Variants in RPF2 observed in about 807,000 individuals in gnomAD.
RPF2 encodes ribosome production factor 2 homolog.
In RPF2, 21 loss-of-function variants were observed where a neutral mutation model predicts 38.9. That is an observed-to-expected ratio of 0.54 (90% CI 0.38 to 0.78). The LOEUF is 0.78. Ranked by LOEUF, RPF2 falls within the 30% of genes least tolerant of loss-of-function variation. The probability of loss-of-function intolerance (pLI) is 0.00; values close to 1 mark genes in which losing one functional copy is unlikely to be tolerated. For missense variants in RPF2, 314 were observed against 358.1 expected (o/e 0.88, Z 0.99); for synonymous variants, 121 against 126.2 (o/e 0.96, Z 0.28).
intron 8 of RPF2, among the ~76,000 whole-genome samples, chr6:111,020,776 C>T (rs764962301): frequency 4.0e-5 from 6 of 151,856 alleles, no homozygotes; most frequent in Non-Finnish European, 5.9e-5. Context: ...CAGGAGAACC[C>T]GGGAGGCAGA....
intron 7 of RPF2, among the ~76,000 whole-genome samples, chr6:111,008,869 C>T (rs1368525600): frequency 1.4e-5 from 2 of 147,874 alleles, no homozygotes; most frequent in South Asian, 2.1e-4. Flanking sequence ...GTTTCTTTTC[C>T]GGGAAGCCCT....
At chr6:111,002,923 C>T (rs1490373890) in intron 6 of RPF2, among the ~76,000 whole-genome samples, 4 of 151,954 alleles carry the variant, frequency 2.6e-5, no homozygotes, top group East Asian at 2.0e-4. Flanking sequence ...CGCCCACACT[C>T]GGCTAATTTT....
rs142204695 is a variant in RPF2 at position 111,001,667 on chromosome 6, T to C, written c.393+1880T>C. Among the ~76,000 whole-genome samples, 4 of 152,262 alleles carry C rather than the reference T, an allele frequency of 2.6e-5. No individual in the cohort carries two copies. The East Asian group carries it at 7.7e-4, about 29-fold the overall frequency. ...GGGTACCCAGCTGTCATTATTATAGTGTCTCTTTGGGACCATGCACGAATC... is the reference window on the plus strand; with the variant it reads ...GGGTACCCAGCTGTCATTATTATAGCGTCTCTTTGGGACCATGCACGAATC... On this transcript the variant is annotated intron_variant, in intron 6 of 9. Coordinates refer to ENST00000441448, the MANE Select transcript of RPF2 (RefSeq NM_032194.3).
At chr6:110,998,984 A>G (rs1192278746) in intron 5 of RPF2, among the ~76,000 whole-genome samples, 1 of 152,148 alleles carries the variant, frequency 6.6e-6, no homozygotes, top group Non-Finnish European at 1.5e-5. Context: ...TCAGCAAGTA[A>G]AGAATGGGGC....
Position 111,025,529 on chromosome 6 carries a change from G to A in RPF2, c.868G>A (p.Glu290Lys), listed in dbSNP as rs1562378276. The A allele has an allele frequency of 6.2e-7, 1 of 1,613,400 alleles. No homozygotes were observed. Among genetic ancestry groups the A allele is most frequent in the South Asian group, 1.1e-5 (1 of 90,890 alleles). The change falls in exon 10 of 10, where the codon GAA (glutamate) becomes AAA (lysine). Residue 290 changes from glutamate to lysine, a missense_variant. Coordinates refer to ENST00000441448, the MANE Select transcript of RPF2 (RefSeq NM_032194.3). ...KMKGLKKRPA[E>K]RITEDHEKKS... ...GAAGGGGTTGAAGAAGCGACCTGCA[G>A]AAAGGATAACAGAAGACCACGAGAA... is the stretch of plus-strand genomic sequence containing the variant.
chr6:111,007,451 A>G (rs187913637), intron 6 of RPF2, among the ~76,000 whole-genome samples: 42 of 151,890 alleles, frequency 2.8e-4, no homozygotes, highest in African/African-American at 1.0e-3. Flanking sequence ...CCAGGCCTGC[A>G]CCTGTAGTCC....
At position 111,027,951 on chromosome 6, in the gene RPF2, A is replaced by G. The variant is rs1457084255; in HGVS notation, c.*2369A>G. 2.0e-5 allele frequency: 3 copies of G among 152,180 alleles called. No individual in the cohort carries two copies. The highest frequency in any genetic ancestry group is 4.8e-5 in the African/African-American group (2 of 41,448). 9.4% of individuals were successfully genotyped at this position (152,180 alleles called of 1,614,324 possible). ...CTTACTTTAGAATACAACACACATAAATTGGAGACTATGTATTCATTTCAA... is the reference window on the plus strand; with the variant it reads ...CTTACTTTAGAATACAACACACATAGATTGGAGACTATGTATTCATTTCAA... On this transcript the variant is annotated 3_prime_UTR_variant, in exon 10 of 10. Transcript: ENST00000441448.
intron 8 of RPF2, among the ~76,000 whole-genome samples, chr6:111,018,193 G>A (rs1270350644): frequency 6.0e-5 from 9 of 151,082 alleles, no homozygotes; most frequent in Non-Finnish European, 1.3e-4. Context: ...GGCATCAGGG[G>A]GAGACCGGGG....
chr6:110,984,037 A>T (rs771561512), intron 1 of RPF2, among the ~76,000 whole-genome samples: 18 of 152,218 alleles, frequency 1.2e-4, no homozygotes, highest in Admixed American at 5.9e-4. Context: ...TCAAAAAAAT[A>T]AATAAATAAA....
intron 8 of RPF2, among the ~76,000 whole-genome samples, chr6:111,020,604 G>A (rs1772214631): frequency 6.6e-6 from 1 of 152,210 alleles, no homozygotes; most frequent in South Asian, 2.1e-4. Context: ...GCTCATGCCT[G>A]TAATCCAGTA....
At chr6:111,022,076 G>A (rs932041207) in intron 8 of RPF2, among the ~76,000 whole-genome samples, 6 of 152,194 alleles carry the variant, frequency 3.9e-5, no homozygotes, top group Admixed American at 6.6e-5. Context: ...TGGAGTCAGA[G>A]CCATTAATAT....
intron 6 of RPF2, among the ~76,000 whole-genome samples, chr6:111,004,619 C>T (rs1224323403): frequency 1.3e-5 from 2 of 151,158 alleles, no homozygotes; most frequent in African/African-American, 2.4e-5. Context: ...TATCTCAGCT[C>T]ACTGCAACCT....
intron 8 of RPF2, among the ~76,000 whole-genome samples, chr6:111,023,336 A>G (rs1265149620): frequency 2.6e-5 from 4 of 152,224 alleles, no homozygotes; most frequent in Non-Finnish European, 4.4e-5. Context: ...ACTTCAATGT[A>G]AGGAAGTTAG....
At chr6:110,983,801 G>C (rs1437246579) in intron 1 of RPF2, among the ~76,000 whole-genome samples, 2 of 150,294 alleles carry the variant, frequency 1.3e-5, no homozygotes, top group Non-Finnish European at 2.9e-5. Flanking sequence ...TGAGGCGGGG[G>C]GGTGGGTCAC....
intron 2 of RPF2, 107 bp from the exon 3 acceptor site, chr6:110,988,921 A>G (rs960716719): frequency 7.2e-7 from 1 of 1,380,970 alleles, no homozygotes; most frequent in Admixed American, 2.6e-5. Context: ...TCAGAATAAG[A>G]TTGAGGCCCC....
intron 6 of RPF2, among the ~76,000 whole-genome samples, chr6:111,002,006 G>A (rs1232730067): frequency 2.6e-5 from 4 of 152,182 alleles, no homozygotes; most frequent in South Asian, 2.1e-4. Flanking sequence ...CCGGCTAGGC[G>A]TGCTGGCTCA....
intron 7 of RPF2, among the ~76,000 whole-genome samples, chr6:111,009,247 A>G (rs1771972274): frequency 6.6e-6 from 1 of 151,856 alleles, no homozygotes; most frequent in African/African-American, 2.4e-5. Flanking sequence ...GTAGAGATGG[A>G]GTTTCACTGT....
chr6:111,013,650 AG>A (rs1440241412), intron 7 of RPF2, among the ~76,000 whole-genome samples: 3 of 152,340 alleles, frequency 2.0e-5, no homozygotes, highest in Non-Finnish European at 2.9e-5. Flanking sequence ...GCATTATGAA[AG>A]TTGTTTCAGA....
chr6:111,014,559 TA>T (rs1434049451), intron 7 of RPF2, among the ~76,000 whole-genome samples: 2 of 152,236 alleles, frequency 1.3e-5, no homozygotes, highest in Admixed American at 6.5e-5. Flanking sequence ...GCTAGGTGGC[TA>T]CAGAATGGGA....
Sources: allele counts gnomAD v4.1 joint callset (sites outside exome capture counted in the v4.1 genomes callset), GRCh38; gene constraint gnomAD v4.1.1; transcripts MANE v1.5; gene names NCBI Gene and HGNC (gene_info 2026-07-23, HGNC 2026-07-21).